AVPR1A: variants seen among roughly 807,000 people sequenced by gnomAD.
AVPR1A encodes the protein arginine vasopressin receptor 1A.
A neutral mutation model predicts 31.5 loss-of-function variants in AVPR1A; 31 were observed. The ratio of observed to expected loss-of-function variants is 0.99; its 90% CI spans 0.74 to 1.33. The LOEUF (loss-of-function observed/expected upper bound fraction) is 1.33. Among genes scored for constraint, AVPR1A ranks in the 40% most tolerant of loss-of-function variants. The probability of loss-of-function intolerance (pLI) is 0.00; values close to 1 mark genes in which losing one functional copy is unlikely to be tolerated. For missense variants in AVPR1A, 570 were observed against 575.2 expected, an observed-to-expected ratio of 0.99 and a Z score of 0.09; for synonymous variants, 243 against 233.2, an observed-to-expected ratio of 1.04 and a Z score of -0.38.
Position 63,147,583 on chromosome 12 carries a change from G to A in AVPR1A, c.1033C>T (p.Pro345Ser). The A allele has an allele frequency of 6.2e-7, 1 of 1,614,086 alleles. No homozygotes were observed. Residue 345 changes from proline to serine, a missense_variant, in exon 2 of 2, where the codon CCC (proline) becomes TCC (serine). Transcript: ENST00000299178. ...CCACTAAAAAACATGTATATCCAGG[G>A]ATTACAGCAGCTATTCAAGGAACCC... ...LLGSLNSCCN[P>S]WIYMFFSGHL...
rs1377398853 is a variant in AVPR1A, at chr12:63,145,881, A to T, written c.*1478T>A. ...AAAGAAAAGCAAGTTCTGTCTTTAA[A>T]TTGGAAAACTTTAGTCAGGCAGGAG... is the stretch of plus-strand genomic sequence containing the variant. On this transcript the variant is annotated 3_prime_UTR_variant, in exon 2 of 2. Coordinates refer to ENST00000299178, the MANE Select transcript of AVPR1A (RefSeq NM_000706.5). The T allele has an allele frequency of 6.6e-6, 1 of 152,316 alleles. No individual in the cohort carries two copies. Among genetic ancestry groups the T allele is most frequent in the Non-Finnish European group, 1.5e-5 (1 of 68,124 alleles). 9.4% of individuals were successfully genotyped at this position (152,316 alleles called of 1,614,324 possible). A position where few individuals can be genotyped will look rare whatever the true frequency, so the allele number is the denominator to read the frequency against.
chr12:63,151,094 T>C lies in AVPR1A; in HGVS notation c.-258A>G. 1 of 480,748 alleles carries C rather than the reference T, an allele frequency of 2.1e-6. No individual in the cohort carries two copies. The highest frequency in any genetic ancestry group is 3.6e-6 in the Non-Finnish European group (1 of 276,312). The allele number at this position is 480,748 out of a possible 1,614,324, so 29.8% of individuals were successfully genotyped here. On this transcript the variant is annotated 5_prime_UTR_variant, in exon 1 of 2. Coordinates refer to ENST00000299178, the MANE Select transcript of AVPR1A (RefSeq NM_000706.5). ...TTCAACTTCGGCGAGGTCGGGAAGG[T>C]GAGCTCCGAGCTTCCGGAAGCACTG...
rs1335403789 is a variant in AVPR1A, at chr12:63,147,101, T to C, written c.*258A>G. 4 of 403,874 alleles carry C rather than the reference T, an allele frequency of 9.9e-6. No homozygotes were observed. The highest frequency in any genetic ancestry group is 1.8e-5 in the Non-Finnish European group (4 of 227,858). 25.0% of individuals were successfully genotyped at this position (403,874 alleles called of 1,614,324 possible). A position where few individuals can be genotyped will look rare whatever the true frequency, so the allele number is the denominator to read the frequency against. ...GCTAGGGTGGTTATGATTTTTCCTT[T>C]AAAAATATAACTTCTGTTGTATTTC... On this transcript the variant is annotated 3_prime_UTR_variant, in exon 2 of 2. Transcript: ENST00000299178.
rs890792973 is a variant in AVPR1A at position 63,142,925 on chromosome 12, T to C, written c.*4434A>G. 6.6e-6 allele frequency: 1 copy of C among 152,088 alleles called. No individual in the cohort carries two copies. Among genetic ancestry groups the C allele is most frequent in the African/African-American group, 2.4e-5 (1 of 41,456 alleles). 9.4% of individuals were successfully genotyped at this position (152,088 alleles called of 1,614,324 possible). A position where few individuals can be genotyped will look rare whatever the true frequency, so the allele number is the denominator to read the frequency against. ...CTCATTCAAAACAAGAATCATTCAG[T>C]TGCCCCAGGAAAAAACACACTGAAA... On this transcript the variant is annotated 3_prime_UTR_variant, in exon 2 of 2. Transcript: ENST00000299178.
At position 63,150,879 on chromosome 12, in the gene AVPR1A, C is replaced by T; in HGVS notation, c.-43G>A. 1 of 1,467,558 alleles carries T rather than the reference C, an allele frequency of 6.8e-7. No homozygotes were observed. The highest frequency in any genetic ancestry group is 8.9e-7 in the Non-Finnish European group (1 of 1,117,910). 90.9% of individuals were successfully genotyped at this position (1,467,558 alleles called of 1,614,324 possible). On this transcript the variant is annotated 5_prime_UTR_variant, in exon 1 of 2. Coordinates refer to ENST00000299178, the MANE Select transcript of AVPR1A (RefSeq NM_000706.5). This position sits in a 1 kb window ranked among gnomAD's most constrained non-coding sequence, Gnocchi z 4.9. ...TACTCGGCCCTCTTCGGAGCTCCAGCCCTCGCGGGCCGCTCCCTCCCCGTC... is the reference window on the plus strand; with the variant it reads ...TACTCGGCCCTCTTCGGAGCTCCAGTCCTCGCGGGCCGCTCCCTCCCCGTC...
At position 63,149,970 on chromosome 12, in the gene AVPR1A, C is replaced by T. The variant is rs147781149; in HGVS notation, c.867G>A (p.Thr289=). Residue 289 remains threonine (T), a synonymous_variant, in exon 1 of 2, where the codon ACG becomes ACA. Transcript: ENST00000299178. The part of the protein sequence containing the change: ...VKSISRAKIR[T]VKMTFVIVTA... ...TCACGATCACAAAAGTCATCTTCAC[C>T]GTGCGGATCTTGGCCCGGGAAATGG... The T allele has an allele frequency of 2.5e-6, 4 of 1,614,006 alleles. No individual in the cohort carries two copies. The highest frequency in any genetic ancestry group is 1.7e-5 in the Admixed American group (1 of 60,010).
At position 63,151,023 on chromosome 12, in the gene AVPR1A, C is replaced by A; in HGVS notation, c.-187G>T. The A allele has an allele frequency of 1.2e-6, 1 of 827,470 alleles. No homozygotes were observed. The highest frequency in any genetic ancestry group is 1.8e-6 in the Non-Finnish European group (1 of 552,764). 51.3% of individuals were successfully genotyped at this position (827,470 alleles called of 1,614,324 possible). ...AGCAGCGTCCCGCCTGCCCACTGAG[C>A]AGCTCTCAGCAGGGTGAGCTGGCCC... On this transcript the variant is annotated 5_prime_UTR_variant, in exon 1 of 2. Coordinates refer to ENST00000299178, the MANE Select transcript of AVPR1A (RefSeq NM_000706.5).
At chr12:63,149,006 T>C (rs1319930913) in intron 1 of AVPR1A, among the ~76,000 whole-genome samples, 2 of 151,932 alleles carry the variant, frequency 1.3e-5, no homozygotes, top group Non-Finnish European at 2.9e-5. Flanking sequence ...AATTAAATAA[T>C]TTTTTTTGCA....
chr12:63,150,466 C>T lies in AVPR1A; in HGVS notation c.371G>A (p.Cys124Tyr). The change falls in exon 1 of 2, where the codon TGC (cysteine) becomes TAC (tyrosine). Residue 124 changes from cysteine to tyrosine, a missense_variant. By Grantham distance (194) the Cys-to-Tyr change is radical (BLOSUM62 -2). Transcript: ENST00000299178. The surrounding 1 kb of genome is among the most constrained non-coding windows in gnomAD (Gnocchi z 4.9). ...CACCTGCAGGTGCTTCACCACGCGG[C>T]ACAGCCAGTCGGGGCCGCGGAAGCG... Reference protein sequence around the residue: ...TYRFRGPDWLCRVVKHLQVFG... With the variant: ...TYRFRGPDWLYRVVKHLQVFG... 2 of 1,613,440 alleles carry T rather than the reference C, an allele frequency of 1.2e-6. No homozygotes were observed. Among genetic ancestry groups the T allele is most frequent in the Non-Finnish European group, 1.7e-6 (2 of 1,179,876 alleles).
chr12:63,148,254 A>G (rs1379631740), intron 1 of AVPR1A, among the ~76,000 whole-genome samples: 3 of 152,210 alleles, frequency 2.0e-5, no homozygotes, highest in African/African-American at 7.2e-5. Context: ...AGAATTAGGA[A>G]ATTCCAACAG....
At position 63,148,473 on chromosome 12, in the gene AVPR1A, C is replaced by T. The variant is rs146339167; in HGVS notation, c.971-828G>A. Among the ~76,000 whole-genome samples the T allele has an allele frequency of 3.9e-3, 594 of 152,242 alleles. 7 individuals are homozygous for T. The highest frequency in any genetic ancestry group is 0.012 in the African/African-American group (511 of 41,556). On this transcript the variant is annotated intron_variant, in intron 1 of 1. Transcript: ENST00000299178. The stretch of plus-strand genomic sequence containing the variant: ...AATTACAGGTTATTATTTAATCATA[C>T]TTAGTGCTAAGATGCTGCTATCAAA...
chr12:63,148,471 T>C (rs1057166434), intron 1 of AVPR1A, among the ~76,000 whole-genome samples: 17 of 152,192 alleles, frequency 1.1e-4, no homozygotes, highest in African/African-American at 4.1e-4. Context: ...TATTTAATCA[T>C]ACTTAGTGCT....
Position 63,150,862 on chromosome 12 carries a change from C to T in AVPR1A, c.-26G>A, listed in dbSNP as rs1368973363. The T allele has an allele frequency of 6.6e-7, 1 of 1,516,514 alleles. No homozygotes were observed. The highest frequency in any genetic ancestry group is 2.2e-5 in the Admixed American group (1 of 46,364). The allele number at this position is 1,516,514 out of a possible 1,614,324, so 93.9% of individuals were successfully genotyped here. On this transcript the variant is annotated 5_prime_UTR_variant, in exon 1 of 2. Transcript: ENST00000299178. This position sits in a 1 kb window ranked among gnomAD's most constrained non-coding sequence, Gnocchi z 4.9. ...GCTGTCCATGCAGCTCCTACTCGGC[C>T]CTCTTCGGAGCTCCAGCCCTCGCGG...
Position 63,151,044 on chromosome 12 carries a change from G to A in AVPR1A, c.-208C>T. On this transcript the variant is annotated 5_prime_UTR_variant, in exon 1 of 2. Transcript: ENST00000299178. Reference sequence around the variant, plus strand: ...TGAGCAGCTCTCAGCAGGGTGAGCTGGCCCCTCTCCCTGCTCTGCCTTTTT... The same window carrying A: ...TGAGCAGCTCTCAGCAGGGTGAGCTAGCCCCTCTCCCTGCTCTGCCTTTTT... The A allele has an allele frequency of 7.3e-6, 5 of 684,944 alleles. No homozygotes were observed. Among genetic ancestry groups the A allele is most frequent in the Non-Finnish European group, 1.2e-5 (5 of 433,158 alleles). The allele number at this position is 684,944 out of a possible 1,614,324, so 42.4% of individuals were successfully genotyped here.
intron 1 of AVPR1A, among the ~76,000 whole-genome samples, chr12:63,148,951 T>C (rs980626787): frequency 2.6e-5 from 4 of 152,186 alleles, no homozygotes; most frequent in African/African-American, 7.2e-5. Context: ...ATTTATTTAG[T>C]TTGAGTTTTT....
rs1733961467 is a variant in AVPR1A, at chr12:63,150,052, G to T, written c.785C>A (p.Ala262Glu). Residue 262 changes from alanine to glutamate, a missense_variant, in exon 1 of 2, where the codon GCG (alanine) becomes GAG (glutamate). Physicochemically the swap from Ala to Glu is moderately radical, Grantham distance 107. Transcript: ENST00000299178. The surrounding 1 kb of genome is among the most constrained non-coding windows in gnomAD (Gnocchi z 4.9). ...ASRQSKGAEQ[A>E]GVAFQKGFLL... ...GAACCCCTTTTGGAAGGCCACACCC[G>T]CTTGCTCTGCACCCTTGCTCTGGCG... 1 of 1,614,082 alleles carries T rather than the reference G, an allele frequency of 6.2e-7. No homozygotes were observed. Among genetic ancestry groups the T allele is most frequent in the African/African-American group, 1.3e-5 (1 of 75,042 alleles).
Position 63,145,242 on chromosome 12 carries a change from C to A in AVPR1A, c.*2117G>T. 1 of 361,702 alleles carries A rather than the reference C, an allele frequency of 2.8e-6. No homozygotes were observed. The allele number at this position is 361,702 out of a possible 1,614,324, so 22.4% of individuals were successfully genotyped here. The stretch of plus-strand genomic sequence containing the variant: ...CCTAGGGAGTCCCTAGGTTTATAAT[C>A]TCTATAAAGCATTTGGAAACATGTT... On this transcript the variant is annotated 3_prime_UTR_variant, in exon 2 of 2. Transcript: ENST00000299178.
chr12:63,149,779 CT>C lies in AVPR1A; in HGVS notation c.970+87del, dbSNP rs1868423003. 1.4e-5 allele frequency: 18 copies of C among 1,293,966 alleles called. No homozygotes were observed. In the East Asian group the frequency reaches 4.4e-4, roughly 32 times the overall value. 80.2% of individuals were successfully genotyped at this position (1,293,966 alleles called of 1,614,324 possible). On this transcript the variant is annotated intron_variant, in intron 1 of 1. Coordinates refer to ENST00000299178, the MANE Select transcript of AVPR1A (RefSeq NM_000706.5). ...GCTAGATTCTCATTTTTTTCTCTCT[CT>C]CTCTCTCTCTCTCTCTCTCACACAC...
In AVPR1A at chr12:63,144,744, A is replaced by G. The variant is rs1565877451; in HGVS notation, c.*2615T>C. 1.3e-5 allele frequency: 2 copies of G among 152,232 alleles called. No homozygotes were observed. The highest frequency in any genetic ancestry group is 2.9e-5 in the Non-Finnish European group (2 of 68,056). 9.4% of individuals were successfully genotyped at this position (152,232 alleles called of 1,614,324 possible). ...CCAGACAGATGAAACTTCTCAGCCT[A>G]AACCGCAGAGAATAAGACCATGTAT... On this transcript the variant is annotated 3_prime_UTR_variant, in exon 2 of 2. Transcript: ENST00000299178.
Sources: gnomAD v4.1 joint callset for allele counts (sites outside exome capture counted in the v4.1 genomes callset) on GRCh38, gnomAD v4.1.1 for gene constraint, Gnocchi (gnomAD v3.1) non-coding constraint, MANE v1.5 for transcripts, NCBI Gene and HGNC (gene_info 2026-07-23, HGNC 2026-07-21) for gene names.